Variants in PON3 observed in about 807,000 individuals in gnomAD.
PON3 encodes the protein serum paraoxonase/lactonase 3.
PON3 carries 37 observed loss-of-function variants against 36.3 expected under a neutral mutation model. The ratio of observed to expected loss-of-function variants is 1.02; its 90% CI spans 0.78 to 1.34. The LOEUF (loss-of-function observed/expected upper bound fraction) is 1.34, where lower values mean the gene tolerates loss of function less well. PON3 is among the 40% of genes most tolerant of loss of function. The probability of loss-of-function intolerance (pLI) is 0.00; values close to 1 mark genes in which losing one functional copy is unlikely to be tolerated. For missense variants in PON3, 415 were observed against 426.5 expected (o/e 0.97, Z 0.24); for synonymous variants, 155 against 154.8 (o/e 1.00, Z -0.01).
Position 95,367,502 on chromosome 7 carries a change from A to G in PON3, c.368-14T>C, listed in dbSNP as rs757482811. 4 of 1,611,754 alleles carry G rather than the reference A, an allele frequency of 2.5e-6. No homozygotes were observed. Among genetic ancestry groups the G allele is most frequent in the Non-Finnish European group, 3.4e-6 (4 of 1,178,794 alleles). On this transcript the variant is annotated splice_polypyrimidine_tract_variant and intron_variant, in intron 4 of 8. Coordinates refer to ENST00000265627, the MANE Select transcript of PON3 (RefSeq NM_000940.3). Reference sequence around the variant, plus strand: ...ACACAGTATTGTCTACATGGAAAAAAGGGATAATTTCCAAGAAAGTTACCC... The same window carrying G: ...ACACAGTATTGTCTACATGGAAAAAGGGGATAATTTCCAAGAAAGTTACCC...
intron 3 of PON3, among the ~76,000 whole-genome samples, chr7:95,383,923 T>C (rs530997268): frequency 1.8e-4 from 28 of 152,306 alleles, no homozygotes; most frequent in African/African-American, 6.0e-4. Context: ...AGAACAAAGC[T>C]GGAGGCATCA....
chr7:95,373,759 T>C (rs1483312835), intron 3 of PON3, among the ~76,000 whole-genome samples: 1 of 152,200 alleles, frequency 6.6e-6, no homozygotes, highest in Non-Finnish European at 1.5e-5. Context: ...CTCATTATGA[T>C]AGGCAATCTA....
At chr7:95,391,654 G>A (rs1404162383) in intron 2 of PON3, among the ~76,000 whole-genome samples, 2 of 152,184 alleles carry the variant, frequency 1.3e-5, no homozygotes, top group African/African-American at 4.8e-5. Flanking sequence ...CTCCAGCTCT[G>A]TTACAGCCTA....
chr7:95,389,203 C>T (rs1809264922), intron 3 of PON3, among the ~76,000 whole-genome samples: 1 of 152,002 alleles, frequency 6.6e-6, no homozygotes, highest in Non-Finnish European at 1.5e-5. Context: ...AAAATATTGC[C>T]CACACAGACT....
At chr7:95,380,037 C>T (rs1199630309) in intron 3 of PON3, among the ~76,000 whole-genome samples, 1 of 152,200 alleles carries the variant, frequency 6.6e-6, no homozygotes, top group African/African-American at 2.4e-5. Flanking sequence ...GTAACATTTG[C>T]TGTTCAGCAA....
At chr7:95,362,940 A>G (rs1808606614) in intron 6 of PON3, 99 bp from the exon 7 acceptor site, 5 of 795,622 alleles carry the variant, frequency 6.3e-6, no homozygotes, top group Admixed American at 3.8e-5. Flanking sequence ...ACTCCTTGAA[A>G]GTACCACTGC....
chr7:95,362,376 G>A lies in PON3; in HGVS notation c.892C>T (p.Pro298Ser). The change falls in exon 8 of 9, where the codon CCT becomes TCT. Residue 298 changes from proline (P) to serine (S), a missense_variant. Pro to Ser is a moderately conservative substitution (Grantham distance 74, BLOSUM62 -1). Transcript: ENST00000265627. ...MKLLNYNPED[P>S]PGSEVLRIQN... is the part of the protein sequence containing the mutation. The stretch of plus-strand genomic sequence containing the variant: ...TAGGAACTTACTTCTGATCCTGGAG[G>A]GTCCTCAGGGTTATAGTTCAGTAGC... 5 of 1,613,744 alleles carry A rather than the reference G, an allele frequency of 3.1e-6. No individual in the cohort carries two copies. The highest frequency in any genetic ancestry group is 4.2e-6 in the Non-Finnish European group (5 of 1,179,732).
chr7:95,396,106 C>A, intron 1 of PON3, 171 bp downstream of exon 1: 1 of 727,412 alleles, frequency 1.4e-6, no homozygotes, highest in East Asian at 2.7e-5. Context: ...GCAAGTAGCT[C>A]ACTTTCCCCA....
Position 95,396,343 on chromosome 7 carries a change from T to C in PON3, c.8A>G (p.Lys3Arg), listed in dbSNP as rs1424631322. Residue 3 changes from lysine to arginine, a missense_variant, in exon 1 of 9, where the codon AAG (lysine) becomes AGG (arginine). By Grantham distance (26) the Lys-to-Arg change is conservative (BLOSUM62 2). Transcript: ENST00000265627. The part of the protein sequence containing the change: MG[K>R]LVALVLLGVG... Reference sequence around the variant, plus strand: ...CCCCAGCAGGACCAGCGCCACGAGCTTCCCCATGGTCTCGGGGTGCCCAGC... The same window carrying C: ...CCCCAGCAGGACCAGCGCCACGAGCCTCCCCATGGTCTCGGGGTGCCCAGC... 3.7e-6 allele frequency: 6 copies of C among 1,613,678 alleles called. No individual in the cohort carries two copies. The Admixed American group carries it at 6.7e-5, about 18-fold the overall frequency.
intron 1 of PON3, among the ~76,000 whole-genome samples, chr7:95,394,959 T>A (rs904044071): frequency 9.2e-5 from 14 of 152,206 alleles, no homozygotes; most frequent in African/African-American, 3.4e-4. Context: ...TGATTCAACA[T>A]GGAAAATTCT....
At chr7:95,389,671 AG>A in intron 3 of PON3, among the ~76,000 whole-genome samples, 1 of 152,318 alleles carries the variant, frequency 6.6e-6, no homozygotes, top group South Asian at 2.1e-4. Context: ...TAAGAATGGC[AG>A]GGAACCCAAG....
At chr7:95,372,447 C>A in intron 3 of PON3, 109 bp from the exon 4 acceptor site, 10 of 1,227,104 alleles carry the variant, frequency 8.1e-6, no homozygotes, top group African/African-American at 1.5e-5. Context: ...TTCTAAATTT[C>A]ATTTAGATTA....
intron 3 of PON3, among the ~76,000 whole-genome samples, chr7:95,379,249 A>C (rs568273696): frequency 6.6e-6 from 1 of 152,268 alleles, no homozygotes; most frequent in African/African-American, 2.4e-5. Flanking sequence ...AAATAGGAAC[A>C]GCCCCAATCT....
At chr7:95,378,663 A>C (rs2116401090) in intron 3 of PON3, among the ~76,000 whole-genome samples, 1 of 152,318 alleles carries the variant, frequency 6.6e-6, no homozygotes, top group South Asian at 2.1e-4. Flanking sequence ...TAAGCTTCAT[A>C]AGTGAAGGAG....
chr7:95,394,597 C>T (rs754413032), intron 2 of PON3, 47 bp downstream of exon 2: 40 of 1,539,692 alleles, frequency 2.6e-5, no homozygotes, highest in Middle Eastern at 3.4e-4. Context: ...AGGTGGATGA[C>T]GACCAAGAAG....
chr7:95,384,314 A>G (rs1415974020), intron 3 of PON3, among the ~76,000 whole-genome samples: 1 of 152,224 alleles, frequency 6.6e-6, no homozygotes, highest in African/African-American at 2.4e-5. Context: ...CATGACTAAA[A>G]CACCAAAAGC....
chr7:95,382,238 C>T (rs1809075039), intron 3 of PON3, among the ~76,000 whole-genome samples: 1 of 152,092 alleles, frequency 6.6e-6, no homozygotes, highest in African/African-American at 2.4e-5. Context: ...TAAATGCCCA[C>T]AAGAGAAAGC....
intron 4 of PON3, among the ~76,000 whole-genome samples, chr7:95,371,357 T>C (rs1235550882): frequency 6.6e-6 from 1 of 152,090 alleles, no homozygotes; most frequent in Non-Finnish European, 1.5e-5. Context: ...GTTTAACATG[T>C]TGAGGAAATG....
At chr7:95,388,813 A>G (rs1809257307) in intron 3 of PON3, among the ~76,000 whole-genome samples, 2 of 152,222 alleles carry the variant, frequency 1.3e-5, no homozygotes, top group African/African-American at 2.4e-5. Flanking sequence ...ACTGAAAACT[A>G]TAATTCTCAG....
Sources: gnomAD v4.1 joint callset for allele counts (sites outside exome capture counted in the v4.1 genomes callset) on GRCh38, gnomAD v4.1.1 for gene constraint, MANE v1.5 for transcripts, NCBI Gene and HGNC (gene_info 2026-07-23, HGNC 2026-07-21) for gene names.